CLNK: variants seen among roughly 807,000 people sequenced by gnomAD.
The protein encoded by CLNK is cytokine-dependent hematopoietic cell linker.
A neutral mutation model predicts 68.6 loss-of-function variants in CLNK; 74 were observed. That is an observed-to-expected ratio of 1.08 (90% CI 0.89 to 1.31). CLNK has a LOEUF of 1.31. Ranked by LOEUF, CLNK falls within the 50% of genes most tolerant of loss-of-function variation. CLNK has a pLI of 0.00. For missense variants in CLNK, 553 were observed against 515.3 expected (o/e 1.07, Z -0.71); for synonymous variants, 198 against 172.2 (o/e 1.15, Z -1.17).
Position 10,661,350 on chromosome 4 carries a change from A to C in CLNK, c.11+6509T>G, listed in dbSNP as rs146774662. On this transcript the variant is annotated intron_variant, in intron 2 of 18. Transcript: ENST00000226951. ...TTATTGTGCAAGGTTTCAAAGAGAA[A>C]ATATGCCTCTAATGGGCAAAACAGT... is the stretch of plus-strand genomic sequence containing the variant. Among the ~76,000 whole-genome samples, 30 of 152,352 alleles carry C rather than the reference A, an allele frequency of 2.0e-4. 1 individual carries two copies. The East Asian group carries it at 5.2e-3, about 26-fold the overall frequency.
At chr4:10,554,917 C>T (rs1325345650) in intron 8 of CLNK, among the ~76,000 whole-genome samples, 1 of 152,188 alleles carries the variant, frequency 6.6e-6, no homozygotes, top group Admixed American at 6.5e-5. Flanking sequence ...ATTTTATACA[C>T]TAGCAAACAC....
At position 10,564,783 on chromosome 4, in the gene CLNK, C is replaced by A. The variant is rs749511893; in HGVS notation, c.293-6G>T. ...AACCTTGAAATAGTGTGTATCTATG[C>A]AAACAGAAAAATATGAAAGTCATAC... On this transcript the variant is annotated splice_region_variant and splice_polypyrimidine_tract_variant and intron_variant, in intron 6 of 18. Coordinates refer to ENST00000226951, the MANE Select transcript of CLNK (RefSeq NM_052964.4). 41 of 1,559,498 alleles carry A rather than the reference C, an allele frequency of 2.6e-5. No homozygotes were observed. The highest frequency in any genetic ancestry group is 3.6e-5 in the Non-Finnish European group (41 of 1,130,556).
intron 2 of CLNK, among the ~76,000 whole-genome samples, chr4:10,659,705 G>A (rs953861939): frequency 1.3e-5 from 2 of 152,192 alleles, no homozygotes; most frequent in Admixed American, 6.5e-5. Flanking sequence ...CTTATGGCAA[G>A]TACTTCTTTC....
intron 2 of CLNK, among the ~76,000 whole-genome samples, chr4:10,617,018 G>A (rs942159253): frequency 2.0e-5 from 3 of 151,882 alleles, no homozygotes; most frequent in Non-Finnish European, 4.4e-5. Flanking sequence ...TGATTTTACT[G>A]CTCTGATCCA....
At chr4:10,500,314 T>G (rs1393981826) in intron 18 of CLNK, among the ~76,000 whole-genome samples, 1 of 152,164 alleles carries the variant, frequency 6.6e-6, no homozygotes, top group Non-Finnish European at 1.5e-5. Flanking sequence ...ATTTATTTAA[T>G]TTTCTGAGCC....
At chr4:10,646,029 G>T (rs1577193630) in intron 2 of CLNK, among the ~76,000 whole-genome samples, 1 of 152,166 alleles carries the variant, frequency 6.6e-6, no homozygotes, top group South Asian at 2.1e-4. Context: ...TTTATATATG[G>T]GGGTAATCTA....
chr4:10,605,871 G>A (rs985862600), intron 2 of CLNK, among the ~76,000 whole-genome samples: 2 of 146,928 alleles, frequency 1.4e-5, no homozygotes, highest in African/African-American at 5.0e-5. Flanking sequence ...AGAAAAGGAA[G>A]TGGTATACCT....
chr4:10,500,250 T>C (rs1020844457), intron 18 of CLNK, among the ~76,000 whole-genome samples: 3 of 152,064 alleles, frequency 2.0e-5, no homozygotes, highest in Non-Finnish European at 4.4e-5. Context: ...AACAGAAGAG[T>C]TGCAAGAGAA....
chr4:10,590,291 C>A (rs1485494657), intron 3 of CLNK, among the ~76,000 whole-genome samples: 1 of 152,308 alleles, frequency 6.6e-6, no homozygotes, highest in African/African-American at 2.4e-5. Context: ...GCCCCCTCTT[C>A]CACTTCTCTC....
intron 4 of CLNK, among the ~76,000 whole-genome samples, chr4:10,577,042 G>T (rs573524004): frequency 2.0e-5 from 3 of 152,188 alleles, no homozygotes; most frequent in Non-Finnish European, 4.4e-5. Context: ...TGAACTGGAA[G>T]AATTCCCAGT....
chr4:10,527,376 G>T (rs1163696672), intron 13 of CLNK, among the ~76,000 whole-genome samples: 1 of 152,224 alleles, frequency 6.6e-6, no homozygotes, highest in African/African-American at 2.4e-5. Context: ...GAGAAGAGCA[G>T]ACCTGAGCCT....
the CLNK span, among the ~76,000 whole-genome samples, chr4:10,734,507 AG>A: frequency 6.6e-6 from 1 of 152,340 alleles, no homozygotes; most frequent in East Asian, 1.9e-4. Context: ...GCATAACAAA[AG>A]TAAAGTTGAA....
intron 4 of CLNK, among the ~76,000 whole-genome samples, chr4:10,578,509 T>C (rs1720656291): frequency 6.6e-6 from 1 of 151,802 alleles, no homozygotes; most frequent in African/African-American, 2.4e-5. Flanking sequence ...TGCACTGTTA[T>C]GGGTTTGAGT....
intron 17 of CLNK, among the ~76,000 whole-genome samples, chr4:10,503,639 T>C (rs7698810): frequency 0.99 from 147,533 of 148,618 alleles, 73,242 homozygotes; most frequent in East Asian, 1. Flanking sequence ...CTATATAATA[T>C]AACATAACAA....
At chr4:10,661,601 G>C (rs1577204219) in intron 2 of CLNK, among the ~76,000 whole-genome samples, 1 of 152,326 alleles carries the variant, frequency 6.6e-6, no homozygotes, top group East Asian at 1.9e-4. Context: ...GACTAGCACA[G>C]TGCCTGGCGT....
At chr4:10,620,132 A>G (rs1405975687) in intron 2 of CLNK, among the ~76,000 whole-genome samples, 5 of 152,140 alleles carry the variant, frequency 3.3e-5, no homozygotes, top group East Asian at 1.9e-4. Flanking sequence ...GTCTCCTCTT[A>G]GACGCATCCT....
chr4:10,691,969 C>A, the CLNK span: 1 of 152,062 alleles, frequency 6.6e-6, no homozygotes, highest in Admixed American at 6.5e-5. Context: ...AAAATTAGAT[C>A]TTTGACTTTT....
chr4:10,514,002 TC>T (rs1290537623), intron 15 of CLNK, among the ~76,000 whole-genome samples: 1 of 84,290 alleles, frequency 1.2e-5, no homozygotes, highest in Non-Finnish European at 2.2e-5. Flanking sequence ...ATGCTATCCC[TC>T]CCCCCTCCCC....
intron 1 of CLNK, among the ~76,000 whole-genome samples, chr4:10,669,018 C>A (rs1006436978): frequency 1.3e-5 from 2 of 152,178 alleles, no homozygotes; most frequent in African/African-American, 4.8e-5. Flanking sequence ...CGAGAACACC[C>A]ATCCCGCAAT....
Sources: gnomAD v4.1 joint callset for allele counts (sites outside exome capture counted in the v4.1 genomes callset) on GRCh38, gnomAD v4.1.1 for gene constraint, MANE v1.5 for transcripts, NCBI Gene and HGNC (gene_info 2026-07-23, HGNC 2026-07-21) for gene names.